Variants in MSI2 observed in about 807,000 individuals in gnomAD.
MSI2 encodes the protein musashi RNA binding protein 2, also known as RNA-binding protein Musashi homolog 2.
MSI2 carries 17 observed loss-of-function variants against 45.6 expected under a neutral mutation model. The observed-to-expected ratio is 0.37, with a 90% CI of 0.26 to 0.56. The LOEUF is 0.56. Among genes scored for constraint, MSI2 ranks in the 20% least tolerant of loss-of-function variants. The pLI, the probability that MSI2 is intolerant of heterozygous loss-of-function variation, is 0.77. For synonymous variants in MSI2, 156 were observed against 158.2 expected, an observed-to-expected ratio of 0.99 and a Z score of 0.11; for missense variants, 293 against 444.2, an observed-to-expected ratio of 0.66 and a Z score of 3.06.
In MSI2 at chr17:57,407,886, G is replaced by T. The variant is rs933950598; in HGVS notation, c.405+6415G>T. ...TCTCCCTCTGGAAGTGTGTCATAAG[G>T]GGAGGGGACTTTATTTGCCCCCTGA... is the stretch of plus-strand genomic sequence containing the variant. On this transcript the variant is annotated intron_variant, in intron 6 of 13. Coordinates refer to ENST00000284073, the MANE Select transcript of MSI2 (RefSeq NM_138962.4). This position sits in a 1 kb window ranked among gnomAD's most constrained non-coding sequence, Gnocchi z 4.1. Among the ~76,000 whole-genome samples the T allele has an allele frequency of 6.6e-6, 1 of 152,180 alleles. No individual in the cohort carries two copies. The highest frequency in any genetic ancestry group is 6.6e-5 in the Admixed American group (1 of 15,260).
At chr17:57,648,709 C>T (rs755729360) in intron 10 of MSI2, among the ~76,000 whole-genome samples, 13 of 152,178 alleles carry the variant, frequency 8.5e-5, no homozygotes, top group East Asian at 1.9e-4. Context: ...TTGCTTGGCC[C>T]GAGGCCCTAT....
At chr17:57,580,001 G>T (rs1404253768) in intron 7 of MSI2, among the ~76,000 whole-genome samples, 1 of 151,728 alleles carries the variant, frequency 6.6e-6, no homozygotes. Context: ...TGTTCAGAAG[G>T]CCTCACCACA....
At chr17:57,345,926 T>C (rs1409422772) in intron 5 of MSI2, among the ~76,000 whole-genome samples, 1 of 152,194 alleles carries the variant, frequency 6.6e-6, no homozygotes, top group Non-Finnish European at 1.5e-5. Flanking sequence ...TTAATAGCCC[T>C]GTCTTCGTAG....
At position 57,587,245 on chromosome 17, in the gene MSI2, G is replaced by A. The variant is rs557429308; in HGVS notation, c.455-9623G>A. Among the ~76,000 whole-genome samples the A allele has an allele frequency of 2.1e-4, 32 of 152,216 alleles. 1 individual carries two copies. In the South Asian group the frequency reaches 6.4e-3, roughly 31 times the overall value. On this transcript the variant is annotated intron_variant, in intron 7 of 13. Transcript: ENST00000284073. ...GGTCGCCAGGTTATGGTGGCCAATT[G>A]GAAAAACTCTTTGTAACTAAAGCCT...
In MSI2 at chr17:57,257,563, C is replaced by A. The variant is rs2143138627; in HGVS notation, c.185+16C>A. The A allele has an allele frequency of 4.6e-6, 7 of 1,536,656 alleles. No individual in the cohort carries two copies. The highest frequency in any genetic ancestry group is 2.2e-5 in the East Asian group (1 of 44,502). ...AACGCTCCAGGTAAACCATTCCCTT[C>A]TGGATTTTGTCTTTATTTTAGAACA... On this transcript the variant is annotated intron_variant, in intron 3 of 13. Transcript: ENST00000284073.
At chr17:57,410,515 G>GA (rs896494534) in intron 6 of MSI2, among the ~76,000 whole-genome samples, 52 of 147,420 alleles carry the variant, frequency 3.5e-4, no homozygotes, top group African/African-American at 9.2e-4. Context: ...TGTGTCTCTT[G>GA]AAAAAAAAAA....
At chr17:57,345,530 T>A (rs1328139192) in intron 5 of MSI2, among the ~76,000 whole-genome samples, 3 of 152,218 alleles carry the variant, frequency 2.0e-5, no homozygotes, top group East Asian at 1.9e-4. Flanking sequence ...TTATTATTTT[T>A]AAAAATTAAC....
At position 57,684,544 on chromosome 17, in the gene MSI2, A is replaced by C. The variant is rs1162030492; in HGVS notation, c.*5027A>C. 1 of 172,820 alleles carries C rather than the reference A, an allele frequency of 5.8e-6. No homozygotes were observed. The highest frequency in any genetic ancestry group is 1.3e-5 in the Non-Finnish European group (1 of 79,934). 10.7% of individuals were successfully genotyped at this position (172,820 alleles called of 1,614,324 possible). On this transcript the variant is annotated 3_prime_UTR_variant, in exon 14 of 14. Transcript: ENST00000284073. ...TACTATGTGGATGGCAGTCTCTCAC[A>C]TCACAGATGTGGAAAGTATAATTTT...
intron 6 of MSI2, among the ~76,000 whole-genome samples, chr17:57,423,476 C>A (rs2084433329): frequency 6.6e-6 from 1 of 152,186 alleles, no homozygotes; most frequent in Non-Finnish European, 1.5e-5. Flanking sequence ...TCTCTTCCAG[C>A]CCTGTAGCTG....
chr17:57,465,753 C>A (rs2085318641), intron 6 of MSI2, among the ~76,000 whole-genome samples: 1 of 152,136 alleles, frequency 6.6e-6, no homozygotes, highest in Admixed American at 6.5e-5. Context: ...TCTCTCCACC[C>A]ACCTTGGTGG....
At chr17:57,308,497 T>G (rs1912107107) in intron 5 of MSI2, among the ~76,000 whole-genome samples, 1 of 152,256 alleles carries the variant, frequency 6.6e-6, no homozygotes, top group African/African-American at 2.4e-5. Context: ...CGACATTCAG[T>G]AAGCAGAATG....
At chr17:57,502,636 T>TATATATATATCTATCATAG in intron 6 of MSI2, among the ~76,000 whole-genome samples, 1 of 96,904 alleles carries the variant, frequency 1.0e-5, no homozygotes, top group African/African-American at 3.5e-5. Flanking sequence ...TATATATATA[T>TATATATATATCTATCATAG]AGTCATCATT....
Position 57,257,108 on chromosome 17 carries a change from A to G in MSI2, c.73A>G (p.Ile25Val). 1.5e-6 allele frequency: 2 copies of G among 1,327,902 alleles called. No homozygotes were observed. Among genetic ancestry groups the G allele is most frequent in the Non-Finnish European group, 2.0e-6 (2 of 990,030 alleles). 82.3% of individuals were successfully genotyped at this position (1,327,902 alleles called of 1,614,324 possible). A position where few individuals can be genotyped will look rare whatever the true frequency, so the allele number is the denominator to read the frequency against. ...GTTTTCTCCCTCTAGTAAAATGTTT[A>G]TCGGTGGACTGAGCTGGCAGACCTC... ...DSQHDPGKMF[I>V]GGLSWQTSPD... Residue 25 changes from isoleucine to valine, a missense_variant, in exon 2 of 14, where the codon ATC becomes GTC. Coordinates refer to ENST00000284073, the MANE Select transcript of MSI2 (RefSeq NM_138962.4).
At chr17:57,675,156 C>A in intron 12 of MSI2, 30 bp downstream of exon 12, 1 of 1,591,514 alleles carries the variant, frequency 6.3e-7, no homozygotes, top group Non-Finnish European at 8.6e-7. Context: ...TGCCCTCCTG[C>A]CTCCTCCTTC....
At chr17:57,290,021 A>G (rs1229062583) in intron 5 of MSI2, among the ~76,000 whole-genome samples, 1 of 152,074 alleles carries the variant, frequency 6.6e-6, no homozygotes, top group Non-Finnish European at 1.5e-5. Flanking sequence ...CCAGTTGGAG[A>G]GGGTGTGGGG....
At chr17:57,630,878 G>A (rs966456658) in intron 10 of MSI2, 7 of 152,426 alleles carry the variant, frequency 4.6e-5, no homozygotes, top group Middle Eastern at 3.4e-3. Flanking sequence ...GGAAAGTTTC[G>A]GGTGGATCTG....
At chr17:57,597,794 T>G (rs531297317) in intron 8 of MSI2, among the ~76,000 whole-genome samples, 1 of 152,256 alleles carries the variant, frequency 6.6e-6, no homozygotes, top group Admixed American at 6.5e-5. Flanking sequence ...ATAGGAAGTT[T>G]ACTGCACCAA....
At chr17:57,508,927 C>G (rs1033205804) in intron 6 of MSI2, among the ~76,000 whole-genome samples, 75 of 152,296 alleles carry the variant, frequency 4.9e-4, no homozygotes, top group African/African-American at 1.7e-3. Flanking sequence ...ATAGAGTCCT[C>G]AAGTCCTAAA....
intron 5 of MSI2, among the ~76,000 whole-genome samples, chr17:57,379,052 G>A (rs16958284): frequency 1.3e-5 from 2 of 151,874 alleles, no homozygotes; most frequent in Non-Finnish European, 2.9e-5. Flanking sequence ...GCTCTTTTGC[G>A]TGTGTTCTGC....
Sources: gnomAD v4.1 joint callset for allele counts (sites outside exome capture counted in the v4.1 genomes callset) on GRCh38, gnomAD v4.1.1 for gene constraint, Gnocchi (gnomAD v3.1) non-coding constraint, MANE v1.5 for transcripts, NCBI Gene and HGNC (gene_info 2026-07-23, HGNC 2026-07-21) for gene names.